The following SLC25A17 variants were observed in gnomAD, a reference collection of about 807,000 sequenced individuals.
SLC25A17 encodes peroxisomal membrane protein PMP34.
Under a neutral mutation model 38.5 loss-of-function variants are expected in SLC25A17, and 26 were observed. That is an observed-to-expected ratio of 0.68 (90% CI 0.50 to 0.94). The LOEUF (loss-of-function observed/expected upper bound fraction) is 0.94. Among genes scored for constraint, SLC25A17 ranks in the 40% least tolerant of loss-of-function variants. The probability of loss-of-function intolerance (pLI) is 0.00; values close to 1 mark genes in which losing one functional copy is unlikely to be tolerated. For missense variants in SLC25A17, 333 were observed against 372.7 expected (o/e 0.89, Z 0.88); for synonymous variants, 139 against 136.2 (o/e 1.02, Z -0.14).
rs750132160 is a variant in SLC25A17, at chr22:40,777,253, C to A, written c.572G>T (p.Arg191Leu). The A allele has an allele frequency of 2.9e-5, 46 of 1,613,810 alleles. No homozygotes were observed. The highest frequency in any genetic ancestry group is 4.2e-6 in the Non-Finnish European group (5 of 1,179,888). ...IQFMFYEGLK[R>L]QLLKKRMKLS... ...CTTCATCCGTTTCTTTAAAAGCTGC[C>A]GTTTTAAACCTTCATAAAACATGAA... Residue 191 changes from arginine (R) to leucine (L), a missense_variant, in exon 6 of 9, where the codon CGG (arginine) becomes CTG (leucine). By Grantham distance (102) the Arg-to-Leu change is moderately radical. Coordinates refer to ENST00000435456, the MANE Select transcript of SLC25A17 (RefSeq NM_006358.4).
intron 7 of SLC25A17, among the ~76,000 whole-genome samples, chr22:40,775,446 T>G (rs2057232129): frequency 6.5e-5 from 3 of 46,344 alleles, no homozygotes; most frequent in African/African-American, 2.7e-4. Context: ...GTTTTTTTTT[T>G]TTTTTTTTTT....
chr22:40,774,004 G>A lies in SLC25A17; in HGVS notation c.709C>T (p.Leu237=), dbSNP rs762857206. The change falls in exon 8 of 9, where the codon CTA becomes TTA. Residue 237 remains leucine, a synonymous_variant. Transcript: ENST00000435456. The stretch of plus-strand genomic sequence containing the variant: ...CCCAATGTTCTGTTTTCTGGGTTTA[G>A]TCTATGACGCCCAAACTGAGGAAAG... The part of the protein sequence containing the change: ...QSILRFGRHR[L]NPENRTLGSL... 2 of 1,611,242 alleles carry A rather than the reference G, an allele frequency of 1.2e-6. No individual in the cohort carries two copies. The highest frequency in any genetic ancestry group is 2.2e-5 in the East Asian group (1 of 44,860).
At chr22:40,786,889 T>G (rs2057343059) in intron 4 of SLC25A17, among the ~76,000 whole-genome samples, 1 of 152,242 alleles carries the variant, frequency 6.6e-6, no homozygotes, top group Non-Finnish European at 1.5e-5. Context: ...AGCAGTATTT[T>G]AAATTTAATT....
intron 8 of SLC25A17, among the ~76,000 whole-genome samples, chr22:40,773,729 G>GA (rs1421291449): frequency 6.6e-6 from 1 of 152,210 alleles, no homozygotes; most frequent in East Asian, 1.9e-4. Flanking sequence ...CAAAGAATAA[G>GA]AACCTGAACT....
chr22:40,783,451 C>T (rs748951881), intron 4 of SLC25A17, among the ~76,000 whole-genome samples: 19 of 152,200 alleles, frequency 1.2e-4, no homozygotes, highest in Non-Finnish European at 2.6e-4. Context: ...CAGGAATTCA[C>T]TTTCACACCT....
At chr22:40,793,194 G>T (rs909800371) in intron 3 of SLC25A17, among the ~76,000 whole-genome samples, 1 of 152,132 alleles carries the variant, frequency 6.6e-6, no homozygotes. Context: ...ACATTTCTGA[G>T]CCTATACCAA....
chr22:40,794,916 G>A (rs910568485), intron 2 of SLC25A17, among the ~76,000 whole-genome samples: 13 of 152,172 alleles, frequency 8.5e-5, no homozygotes, highest in Admixed American at 5.9e-4. Context: ...ACCGTGCCCC[G>A]CCTATTTTTT....
At chr22:40,807,436 T>A (rs956683569) in intron 1 of SLC25A17, among the ~76,000 whole-genome samples, 1 of 152,122 alleles carries the variant, frequency 6.6e-6, no homozygotes, top group Non-Finnish European at 1.5e-5. Context: ...TAAAACTTTT[T>A]AAAAATTACT....
chr22:40,784,624 A>T (rs1162010526), intron 4 of SLC25A17: 1 of 212,258 alleles, frequency 4.7e-6, no homozygotes, highest in Non-Finnish European at 1.0e-5. Context: ...AAATAAAAAA[A>T]AATTAGCTGG....
At chr22:40,785,971 T>C (rs1174681913) in intron 4 of SLC25A17, among the ~76,000 whole-genome samples, 1 of 152,072 alleles carries the variant, frequency 6.6e-6, no homozygotes, top group African/African-American at 2.4e-5. Flanking sequence ...CTGGCTGCTG[T>C]GCTGAATACA....
chr22:40,796,939 G>T (rs916938452), intron 2 of SLC25A17, among the ~76,000 whole-genome samples: 1 of 152,042 alleles, frequency 6.6e-6, no homozygotes, highest in African/African-American at 2.4e-5. Flanking sequence ...TAAGTGAAAA[G>T]TTCAAAGTAC....
At chr22:40,810,182 T>C (rs2057566757) in intron 1 of SLC25A17, among the ~76,000 whole-genome samples, 1 of 152,152 alleles carries the variant, frequency 6.6e-6, no homozygotes, top group Non-Finnish European at 1.5e-5. Flanking sequence ...ACCCTTGGAA[T>C]CTCCAGAGTG....
At chr22:40,815,962 G>A (rs1384388371) in intron 1 of SLC25A17, among the ~76,000 whole-genome samples, 2 of 152,150 alleles carry the variant, frequency 1.3e-5, no homozygotes, top group African/African-American at 2.4e-5. Context: ...CAAGGCAGGC[G>A]GATCACCTGA....
At chr22:40,809,659 T>C (rs148394026) in intron 1 of SLC25A17, among the ~76,000 whole-genome samples, 211 of 151,848 alleles carry the variant, frequency 1.4e-3, no homozygotes, top group African/African-American at 5.0e-3. Context: ...CAAAACCAAA[T>C]ATCTCAATGA....
chr22:40,801,998 G>A (rs899348030), intron 1 of SLC25A17, among the ~76,000 whole-genome samples: 4 of 152,010 alleles, frequency 2.6e-5, no homozygotes, highest in African/African-American at 9.7e-5. Context: ...CATCATGTTG[G>A]CCAGGCTGGT....
At chr22:40,807,719 A>G (rs1351224709) in intron 1 of SLC25A17, among the ~76,000 whole-genome samples, 6 of 152,160 alleles carry the variant, frequency 3.9e-5, no homozygotes. Context: ...ACTGCACTCC[A>G]GACTGGGTGA....
chr22:40,814,775 ATATATATATATATATT>A lies in SLC25A17; in HGVS notation c.54+4404_54+4419del, dbSNP rs1305356715. ...GCAGAATATATATATATATATATAT[ATATATATATATATATT>A]GTTGTTGTTGTTGTTGTTTTGTTTT... On this transcript the variant is annotated intron_variant, in intron 1 of 8. Coordinates refer to ENST00000435456, the MANE Select transcript of SLC25A17 (RefSeq NM_006358.4). 2.9e-4 allele frequency among the ~76,000 whole-genome samples: 42 copies of A among 145,040 alleles called. 1 individual carries two copies. Among genetic ancestry groups the A allele is most frequent in the South Asian group, 8.6e-4 (4 of 4,626 alleles).
At chr22:40,797,970 A>G (rs2057445346) in intron 2 of SLC25A17, 1 of 153,174 alleles carries the variant, frequency 6.5e-6, no homozygotes, top group Non-Finnish European at 1.5e-5. Context: ...CTGTAGAGTA[A>G]GCACTGCCTC....
intron 7 of SLC25A17, among the ~76,000 whole-genome samples, chr22:40,775,923 T>C (rs2057239113): frequency 6.6e-6 from 1 of 152,192 alleles, no homozygotes; most frequent in Admixed American, 6.5e-5. Flanking sequence ...CCTTTATAAA[T>C]TACCCAGTCT....
Sources: gnomAD v4.1 joint callset for allele counts (sites outside exome capture counted in the v4.1 genomes callset) on GRCh38, gnomAD v4.1.1 for gene constraint, MANE v1.5 for transcripts, NCBI Gene and HGNC (gene_info 2026-07-23, HGNC 2026-07-21) for gene names.